Variants in FAF1 observed in about 807,000 individuals in gnomAD.
FAF1 encodes Fas associated factor 1.
FAF1 carries 25 observed loss-of-function variants against 92.5 expected under a neutral mutation model. The ratio of observed to expected loss-of-function variants is 0.27; its 90% CI spans 0.20 to 0.38. FAF1 has a LOEUF of 0.38. Ranked by LOEUF, FAF1 falls within the 10% of genes least tolerant of loss-of-function variation. FAF1 has a pLI of 1.00. For synonymous variants in FAF1, 234 were observed against 273.2 expected (o/e 0.86, Z 1.42); for missense variants, 636 against 793.3 (o/e 0.80, Z 2.38).
intron 4 of FAF1, among the ~76,000 whole-genome samples, chr1:50,775,882 G>C (rs1660943745): frequency 6.6e-6 from 1 of 152,026 alleles, no homozygotes; most frequent in South Asian, 2.1e-4. Context: ...GCCTTCCCTA[G>C]TTACACATAC....
chr1:50,795,239 G>A (rs1044074361), intron 3 of FAF1, among the ~76,000 whole-genome samples: 1 of 152,132 alleles, frequency 6.6e-6, no homozygotes, highest in Non-Finnish European at 1.5e-5. Context: ...CAGGGACCTG[G>A]TAATAAAATA....
At chr1:50,443,640 G>A (rs1646194610) in intron 18 of FAF1, among the ~76,000 whole-genome samples, 1 of 152,170 alleles carries the variant, frequency 6.6e-6, no homozygotes, top group African/African-American at 2.4e-5. Context: ...TATATAACCT[G>A]AGAGCCAGTT....
intron 8 of FAF1, among the ~76,000 whole-genome samples, chr1:50,637,436 G>A (rs1327707807): frequency 6.6e-6 from 1 of 151,024 alleles, no homozygotes; most frequent in Non-Finnish European, 1.5e-5. Context: ...CTAGGTGACA[G>A]AGCAAGACTC....
chr1:50,582,819 A>G (rs1387770039), intron 11 of FAF1, 120 bp from the exon 12 acceptor site: 6 of 641,544 alleles, frequency 9.4e-6, no homozygotes, highest in Middle Eastern at 4.1e-4. Flanking sequence ...TACTAAACAT[A>G]AAAACATTTC....
At chr1:50,926,262 G>A (rs1409613471) in intron 1 of FAF1, among the ~76,000 whole-genome samples, 1 of 152,012 alleles carries the variant, frequency 6.6e-6, no homozygotes, top group Non-Finnish European at 1.5e-5. Flanking sequence ...GAAAAATAAT[G>A]AAATCCTATC....
chr1:50,555,473 A>C (rs1649530974), intron 13 of FAF1, among the ~76,000 whole-genome samples: 1 of 152,202 alleles, frequency 6.6e-6, no homozygotes, highest in Non-Finnish European at 1.5e-5. Context: ...ATTTTTCAAA[A>C]GAAGATGTAC....
At position 50,571,435 on chromosome 1, in the gene FAF1, A is replaced by G. The variant is rs181976729; in HGVS notation, c.1114-4204T>C. ...TTGTTGTAAGCATCGCAGATAATGTAGGTTAAGTACCTATTTACAAGGCCT... is the reference window on the plus strand; with the variant it reads ...TTGTTGTAAGCATCGCAGATAATGTGGGTTAAGTACCTATTTACAAGGCCT... On this transcript the variant is annotated intron_variant, in intron 12 of 18. Transcript: ENST00000396153. 9.9e-4 allele frequency among the ~76,000 whole-genome samples: 151 copies of G among 152,344 alleles called. 1 individual carries two copies. Among genetic ancestry groups the G allele is most frequent in the Admixed American group, 3.0e-3 (46 of 15,300 alleles).
intron 4 of FAF1, among the ~76,000 whole-genome samples, chr1:50,750,588 G>A (rs1043358027): frequency 1.3e-5 from 2 of 150,442 alleles, no homozygotes; most frequent in Non-Finnish European, 3.0e-5. Context: ...CCTTTGTTTG[G>A]AGTAATGTTT....
intron 9 of FAF1, among the ~76,000 whole-genome samples, chr1:50,589,980 T>G (rs1651425817): frequency 6.6e-6 from 1 of 152,200 alleles, no homozygotes; most frequent in African/African-American, 2.4e-5. Flanking sequence ...CAAAAACCAT[T>G]TTATCATAAT....
chr1:50,664,142 A>G (rs1195126302), intron 7 of FAF1, among the ~76,000 whole-genome samples: 1 of 150,248 alleles, frequency 6.7e-6, no homozygotes, highest in Admixed American at 6.6e-5. Context: ...GGATTACAGG[A>G]ATGTGCCACC....
intron 7 of FAF1, among the ~76,000 whole-genome samples, chr1:50,698,873 T>C (rs940826050): frequency 6.6e-6 from 1 of 152,090 alleles, no homozygotes; most frequent in African/African-American, 2.4e-5. Context: ...TGGGGTTGCT[T>C]GTGCATTTCT....
chr1:50,812,932 G>A (rs888731948), intron 2 of FAF1, among the ~76,000 whole-genome samples: 22 of 152,142 alleles, frequency 1.4e-4, no homozygotes, highest in African/African-American at 4.6e-4. Flanking sequence ...CAACACGGAT[G>A]GTGCTGGAGG....
At chr1:50,574,122 T>C (rs935986512) in intron 12 of FAF1, among the ~76,000 whole-genome samples, 1 of 152,124 alleles carries the variant, frequency 6.6e-6, no homozygotes, top group African/African-American at 2.4e-5. Flanking sequence ...CGAGACTCTG[T>C]CTAAAAAAAG....
intron 2 of FAF1, among the ~76,000 whole-genome samples, chr1:50,816,226 AC>A (rs1179568618): frequency 3.7e-5 from 4 of 107,396 alleles, no homozygotes; most frequent in African/African-American, 1.6e-4. Flanking sequence ...TTTTTTTGAG[AC>A]GGAGTCTTGC....
intron 18 of FAF1, among the ~76,000 whole-genome samples, chr1:50,469,013 T>A (rs1274571044): frequency 6.6e-6 from 1 of 152,240 alleles, no homozygotes; most frequent in Admixed American, 6.5e-5. Context: ...TTTAATTAGG[T>A]TGCTGTTGTG....
At chr1:50,571,206 G>A (rs1045296854) in intron 12 of FAF1, among the ~76,000 whole-genome samples, 13 of 152,176 alleles carry the variant, frequency 8.5e-5, no homozygotes, top group African/African-American at 3.1e-4. Context: ...TATTTTATTT[G>A]TCCTTTCTAA....
chr1:50,807,244 T>C (rs1180108564), intron 2 of FAF1, among the ~76,000 whole-genome samples: 5 of 152,156 alleles, frequency 3.3e-5, no homozygotes, highest in Non-Finnish European at 7.3e-5. Flanking sequence ...CGGTCACAGG[T>C]GTATTAGTTC....
intron 7 of FAF1, among the ~76,000 whole-genome samples, chr1:50,659,776 C>G (rs774219069): frequency 6.6e-6 from 1 of 152,128 alleles, no homozygotes; most frequent in African/African-American, 2.4e-5. Context: ...AGATTGACAA[C>G]AGATTTTCTA....
intron 9 of FAF1, among the ~76,000 whole-genome samples, chr1:50,593,890 G>A (rs974308277): frequency 1.3e-5 from 2 of 152,132 alleles, no homozygotes; most frequent in East Asian, 3.9e-4. Context: ...TCCATAATGG[G>A]TGTCCAAAAT....
Sources: allele counts gnomAD v4.1 joint callset (sites outside exome capture counted in the v4.1 genomes callset), GRCh38; gene constraint gnomAD v4.1.1; transcripts MANE v1.5; gene names NCBI Gene and HGNC (gene_info 2026-07-23, HGNC 2026-07-21).